Variants in ZFAND4 observed in about 807,000 individuals in gnomAD.
The protein encoded by ZFAND4 is zinc finger AN1-type containing 4, also known as AN1-type zinc finger protein 4.
In ZFAND4, 43 loss-of-function variants were observed where a neutral mutation model predicts 64.4. The ratio of observed to expected loss-of-function variants is 0.67; its 90% CI spans 0.52 to 0.86. The LOEUF is 0.86. Among genes scored for constraint, ZFAND4 ranks in the 40% least tolerant of loss-of-function variants. The probability of loss-of-function intolerance (pLI) is 0.00; values close to 1 mark genes in which losing one functional copy is unlikely to be tolerated. For synonymous variants in ZFAND4, 296 were observed against 305.7 expected, an observed-to-expected ratio of 0.97 and a Z score of 0.33; for missense variants, 929 against 859.8, an observed-to-expected ratio of 1.08 and a Z score of -1.01.
At chr10:45,642,088 T>C (rs966457853) in intron 5 of ZFAND4, among the ~76,000 whole-genome samples, 3 of 152,234 alleles carry the variant, frequency 2.0e-5, no homozygotes, top group Non-Finnish European at 4.4e-5. Flanking sequence ...ATTTTCGTCA[T>C]GTCACCCTGT....
At position 45,615,717 on chromosome 10, in the gene ZFAND4, A is replaced by G. The variant is rs1041248519; in HGVS notation, c.*719T>C. 9 of 152,132 alleles carry G rather than the reference A, an allele frequency of 5.9e-5. No homozygotes were observed. Among genetic ancestry groups the G allele is most frequent in the African/African-American group, 2.2e-4 (9 of 41,464 alleles). 9.4% of individuals were successfully genotyped at this position (152,132 alleles called of 1,614,324 possible). On this transcript the variant is annotated 3_prime_UTR_variant, in exon 10 of 10. Transcript: ENST00000344646. ...TTCAAAAGGTAAAAAGTTGGCTTCT[A>G]TATTTAATGGCAAGTGGGACATCTT...
At position 45,616,501 on chromosome 10, in the gene ZFAND4, C is replaced by T. The variant is rs2044951781; in HGVS notation, c.2119G>A (p.Ala707Thr). ...THGCTYDYKS[A>T]GRRYLHEANP... ...GCCTCGTGCAAGTATCTCCTCCCTG[C>T]ACTCTTGTAATCATAGGTACAGCCA... The change falls in exon 10 of 10, where the codon GCA becomes ACA. Residue 707 changes from alanine to threonine, a missense_variant. Physicochemically the swap from Ala to Thr is moderately conservative, Grantham distance 58 (BLOSUM62 0). Transcript: ENST00000344646. The T allele has an allele frequency of 1.2e-6, 2 of 1,614,200 alleles. No homozygotes were observed. Among genetic ancestry groups the T allele is most frequent in the East Asian group, 2.2e-5 (1 of 44,886 alleles).
chr10:45,638,697 C>T (rs925971940), intron 6 of ZFAND4, among the ~76,000 whole-genome samples: 1 of 152,058 alleles, frequency 6.6e-6, no homozygotes, highest in African/African-American at 2.4e-5. Context: ...CTAGAGACAA[C>T]TCAAATGTCC....
intron 6 of ZFAND4, among the ~76,000 whole-genome samples, chr10:45,629,663 CCAG>C (rs2046073273): frequency 6.6e-6 from 1 of 151,792 alleles, no homozygotes; most frequent in African/African-American, 2.4e-5. Flanking sequence ...GAGTTCAAGA[CCAG>C]CCTAGAAAAC....
chr10:45,629,178 T>C (rs996675764), intron 6 of ZFAND4, among the ~76,000 whole-genome samples: 1 of 151,986 alleles, frequency 6.6e-6, no homozygotes, highest in African/African-American at 2.4e-5. Context: ...CCAGGGTCAA[T>C]CGATCCTCCG....
chr10:45,643,161 C>T lies in ZFAND4; in HGVS notation c.570-3198G>A, dbSNP rs2047142001. 2.0e-5 allele frequency among the ~76,000 whole-genome samples: 3 copies of T among 150,602 alleles called. 1 individual carries two copies. In the South Asian group the frequency reaches 6.3e-4, roughly 32 times the overall value. The stretch of plus-strand genomic sequence containing the variant: ...TCTCAAACTCCTGACCTCAGGTGAT[C>T]CGCCTGCCTCTGCCTCCCAAAGTGC... On this transcript the variant is annotated intron_variant, in intron 5 of 9. Transcript: ENST00000344646.
At chr10:45,617,000 C>G (rs2045018635) in intron 9 of ZFAND4, among the ~76,000 whole-genome samples, 1 of 151,720 alleles carries the variant, frequency 6.6e-6, no homozygotes, top group African/African-American at 2.4e-5. Flanking sequence ...ATCGCTTGAA[C>G]CCAGGAGGTG....
At chr10:45,621,690 C>T (rs979104002) in intron 8 of ZFAND4, among the ~76,000 whole-genome samples, 3 of 151,886 alleles carry the variant, frequency 2.0e-5, no homozygotes, top group African/African-American at 4.8e-5. Flanking sequence ...TGCAGTGAGC[C>T]GAGATCGTGC....
At chr10:45,646,834 T>C (rs1299620557) in intron 5 of ZFAND4, among the ~76,000 whole-genome samples, 1 of 152,202 alleles carries the variant, frequency 6.6e-6, no homozygotes, top group East Asian at 1.9e-4. Context: ...GGCCTAAGGC[T>C]GTAACCCTCA....
At chr10:45,619,099 C>T (rs1048269324) in intron 8 of ZFAND4, among the ~76,000 whole-genome samples, 4 of 151,348 alleles carry the variant, frequency 2.6e-5, no homozygotes, top group Admixed American at 1.3e-4. Flanking sequence ...AGTGCAGTGG[C>T]GCAATCTCGG....
rs373290976 is a variant in ZFAND4, at chr10:45,617,378, A to C, written c.2048+762T>G. On this transcript the variant is annotated intron_variant, in intron 9 of 9. Transcript: ENST00000344646. ...GGTGGCGGCTCACACCTGAAATTCC[A>C]GCACTTTGGGAGGCAAAGGTGAGAA... 3.3e-5 allele frequency among the ~76,000 whole-genome samples: 5 copies of C among 152,130 alleles called. No individual in the cohort carries two copies. The East Asian group carries it at 7.7e-4, about 23-fold the overall frequency.
intron 6 of ZFAND4, among the ~76,000 whole-genome samples, chr10:45,631,693 C>T (rs1204611248): frequency 6.6e-6 from 1 of 152,050 alleles, no homozygotes; most frequent in Non-Finnish European, 1.5e-5. Flanking sequence ...GGCAAGCCAT[C>T]ATGTAAGGAT....
chr10:45,640,266 C>T (rs945901366), intron 5 of ZFAND4: 2 of 1,225,856 alleles, frequency 1.6e-6, no homozygotes, highest in Non-Finnish European at 2.1e-6. Context: ...GAGGCAAAAT[C>T]CATTTCCATG....
intron 8 of ZFAND4, 84 bp downstream of exon 8, chr10:45,624,499 C>T: frequency 1.6e-6 from 2 of 1,259,988 alleles, no homozygotes; most frequent in South Asian, 2.5e-5. Context: ...GAAGGTTCTT[C>T]CCATTTCTCT....
Position 45,624,622 on chromosome 10 carries a change from C to T in ZFAND4, c.1888G>A (p.Gly630Arg). The T allele has an allele frequency of 1.2e-6, 2 of 1,613,842 alleles. No homozygotes were observed. The highest frequency in any genetic ancestry group is 1.7e-6 in the Non-Finnish European group (2 of 1,179,890). ...GCTGCTGCATTATTTCCATTCATTC[C>T]AACACCATGGGTAGACTACAATTAA... ...TGVFLSTHGV[G>R]MNGNNAAAGK... Residue 630 changes from glycine (G) to arginine (R), a missense_variant, in exon 8 of 10, where the codon GGA (glycine) becomes AGA (arginine). By Grantham distance (125) the Gly-to-Arg change is moderately radical. Coordinates refer to ENST00000344646, the MANE Select transcript of ZFAND4 (RefSeq NM_174890.4).
chr10:45,620,251 A>C (rs1417448807), intron 8 of ZFAND4, among the ~76,000 whole-genome samples: 1 of 152,164 alleles, frequency 6.6e-6, no homozygotes, highest in African/African-American at 2.4e-5. Context: ...TGGGAGGCCA[A>C]GGTGGGCGAA....
rs376569146 is a variant in ZFAND4 at position 45,626,387 on chromosome 10, G to A, written c.1436C>T (p.Ala479Val). 22 of 1,614,120 alleles carry A rather than the reference G, an allele frequency of 1.4e-5. No homozygotes were observed. The East Asian group carries it at 3.6e-4, about 26-fold the overall frequency. ...CAGAGAATTATGTAGCGACATTGGT[G>A]CAGAACAGCGAAGAGGTGACAAGAG... ...NRLLSPLRCS[A>V]PMSLHNSLVK... The change falls in exon 7 of 10, where the codon GCA (alanine) becomes GTA (valine). Residue 479 changes from alanine to valine, a missense_variant. Ala to Val is a moderately conservative substitution (Grantham distance 64, BLOSUM62 0). Transcript: ENST00000344646.
At chr10:45,624,746 T>C (rs2045676436) in intron 7 of ZFAND4, 109 bp from the exon 8 acceptor site, 2 of 864,154 alleles carry the variant, frequency 2.3e-6, no homozygotes, top group South Asian at 3.5e-5. Context: ...TGGACTTTCA[T>C]TTTAAATTAT....
intron 2 of ZFAND4, 72 bp downstream of exon 2, chr10:45,663,470 T>C (rs2048609383): frequency 3.3e-6 from 4 of 1,229,390 alleles, no homozygotes; most frequent in Non-Finnish European, 4.5e-6. Flanking sequence ...ATTAAAATAC[T>C]TTAAAAACTA....
Sources: allele counts gnomAD v4.1 joint callset (sites outside exome capture counted in the v4.1 genomes callset), GRCh38; gene constraint gnomAD v4.1.1; transcripts MANE v1.5; gene names NCBI Gene and HGNC (gene_info 2026-07-23, HGNC 2026-07-21).